CCBE1: variants seen among roughly 807,000 people sequenced by gnomAD.
CCBE1 encodes collagen and calcium binding EGF domains 1.
Under a neutral mutation model 50.0 loss-of-function variants are expected in CCBE1, and 37 were observed. That is an observed-to-expected ratio of 0.74 (90% CI 0.57 to 0.97). The LOEUF is 0.97. Among genes scored for constraint, CCBE1 ranks in the 50% least tolerant of loss-of-function variants. CCBE1 has a pLI of 0.00. For missense variants in CCBE1, 538 were observed against 523.8 expected (o/e 1.03, Z -0.26); for synonymous variants, 234 against 203.7 (o/e 1.15, Z -1.27).
At chr18:59,696,745 G>T in intron 1 of CCBE1, 36 bp from the exon 2 acceptor site, 1 of 1,606,210 alleles carries the variant, frequency 6.2e-7, no homozygotes, top group African/African-American at 1.3e-5. Context: ...TCGATTCTCA[G>T]CGGGAGAGCG....
intron 2 of CCBE1, among the ~76,000 whole-genome samples, chr18:59,645,656 C>A (rs750744143): frequency 6.6e-6 from 1 of 152,186 alleles, no homozygotes; most frequent in Non-Finnish European, 1.5e-5. Context: ...CTGTAGCCAG[C>A]ACCCTCCCCC....
chr18:59,630,456 T>A (rs1269365841), intron 2 of CCBE1, among the ~76,000 whole-genome samples: 1 of 152,226 alleles, frequency 6.6e-6, no homozygotes, highest in Non-Finnish European at 1.5e-5. Context: ...TTATGATATC[T>A]TACACTTTTG....
At chr18:59,453,090 T>G (rs897406341) in intron 6 of CCBE1, among the ~76,000 whole-genome samples, 2 of 152,228 alleles carry the variant, frequency 1.3e-5, no homozygotes, top group African/African-American at 2.4e-5. Context: ...AACCACACTT[T>G]GATTTAGCAA....
chr18:59,513,379 A>G (rs1598967379), intron 2 of CCBE1, among the ~76,000 whole-genome samples: 1 of 152,324 alleles, frequency 6.6e-6, no homozygotes, highest in East Asian at 1.9e-4. Flanking sequence ...CGGGAAAGTA[A>G]TCCAGGCCCC....
intron 7 of CCBE1, among the ~76,000 whole-genome samples, chr18:59,440,653 C>T (rs148710793): frequency 9.9e-4 from 150 of 152,206 alleles, no homozygotes; most frequent in African/African-American, 3.4e-3. Context: ...GAGAAATATC[C>T]CTTACTTCTT....
intron 2 of CCBE1, chr18:59,563,880 T>C (rs2052779122): frequency 6.6e-6 from 1 of 152,118 alleles, no homozygotes; most frequent in African/African-American, 2.4e-5. Flanking sequence ...GGGAACGTGA[T>C]GAACAGTGGG....
At chr18:59,490,284 C>T (rs76374774) in intron 2 of CCBE1, among the ~76,000 whole-genome samples, 4,773 of 151,790 alleles carry the variant, frequency 0.031, 252 homozygotes, top group African/African-American at 0.11. Context: ...CACACCCAGC[C>T]GAGATACTTA....
intron 2 of CCBE1, among the ~76,000 whole-genome samples, chr18:59,634,464 T>C (rs2053891168): frequency 6.6e-6 from 1 of 152,172 alleles, no homozygotes; most frequent in East Asian, 1.9e-4. Context: ...CAAACAAGTG[T>C]CCCGTGGAGG....
chr18:59,490,865 C>T (rs1304074385), intron 2 of CCBE1, among the ~76,000 whole-genome samples: 1 of 152,130 alleles, frequency 6.6e-6, no homozygotes, highest in African/African-American at 2.4e-5. Flanking sequence ...CAATTTTCTC[C>T]TTTGTAAGAC....
intron 2 of CCBE1, among the ~76,000 whole-genome samples, chr18:59,659,442 G>C (rs2054252419): frequency 6.6e-6 from 1 of 152,096 alleles, no homozygotes; most frequent in South Asian, 2.1e-4. Flanking sequence ...GGCATGAAAA[G>C]GTGGGGAGGT....
rs879096567 is a variant in CCBE1 at position 59,432,505 on chromosome 18, C to A, written c.*3403G>T. On this transcript the variant is annotated 3_prime_UTR_variant, in exon 11 of 11. Transcript: ENST00000439986. ...CAGAAGTCCTGTTTAGACAGTAAAG[C>A]TTTTTCTATCTAGTTAAAAGATACA... 6.6e-6 allele frequency: 1 copy of A among 152,144 alleles called. No individual in the cohort carries two copies. The allele number at this position is 152,144 out of a possible 1,614,324, so 9.4% of individuals were successfully genotyped here.
chr18:59,651,670 G>A (rs17698315), intron 2 of CCBE1, among the ~76,000 whole-genome samples: 5,184 of 152,286 alleles, frequency 0.034, 129 homozygotes, highest in Admixed American at 0.062. Context: ...AGGCAAGACC[G>A]TCAGAGAAAA....
chr18:59,573,177 C>G (rs560009759), intron 2 of CCBE1, among the ~76,000 whole-genome samples: 1 of 150,632 alleles, frequency 6.6e-6, no homozygotes, highest in Non-Finnish European at 1.5e-5. Flanking sequence ...CCTAGCTACT[C>G]GGGAGGCTGA....
intron 4 of CCBE1, 51 bp downstream of exon 4, chr18:59,469,422 C>CTGAA: frequency 6.2e-7 from 1 of 1,613,556 alleles, no homozygotes; most frequent in African/African-American, 1.3e-5. Flanking sequence ...ACAGAACCAT[C>CTGAA]TGAACAAGGC....
chr18:59,522,121 CTTTTCT>C (rs991901738), intron 2 of CCBE1, among the ~76,000 whole-genome samples: 63 of 65,514 alleles, frequency 9.6e-4, no homozygotes, highest in Non-Finnish European at 1.4e-3. Context: ...CATGGCTTAA[CTTTTCT>C]TTTTTTTTTT....
chr18:59,564,240 T>C (rs1036940377), intron 2 of CCBE1, among the ~76,000 whole-genome samples: 2 of 152,260 alleles, frequency 1.3e-5, no homozygotes, highest in African/African-American at 4.8e-5. Flanking sequence ...TTTATAGAAA[T>C]GCATAAAGAA....
chr18:59,453,386 TTA>T (rs1237261208), intron 6 of CCBE1, among the ~76,000 whole-genome samples: 1 of 152,266 alleles, frequency 6.6e-6, no homozygotes, highest in Non-Finnish European at 1.5e-5. Flanking sequence ...ATGTATTTAT[TTA>T]TGTCTCTGTG....
intron 2 of CCBE1, among the ~76,000 whole-genome samples, chr18:59,609,984 G>T (rs1029610166): frequency 6.6e-6 from 1 of 152,216 alleles, no homozygotes; most frequent in African/African-American, 2.4e-5. Flanking sequence ...CAGTTAATGA[G>T]AACTGCTTGG....
intron 2 of CCBE1, among the ~76,000 whole-genome samples, chr18:59,658,407 AT>A (rs2054233261): frequency 1.1e-4 from 7 of 63,472 alleles, no homozygotes; most frequent in Non-Finnish European, 1.7e-4. Flanking sequence ...ATATATATAT[AT>A]ATATATATAA....
Sources: gnomAD v4.1 joint callset for allele counts (sites outside exome capture counted in the v4.1 genomes callset) on GRCh38, gnomAD v4.1.1 for gene constraint, MANE v1.5 for transcripts, NCBI Gene and HGNC (gene_info 2026-07-23, HGNC 2026-07-21) for gene names.